LIN28B: variants seen among roughly 807,000 people sequenced by gnomAD.
The protein encoded by LIN28B is lin-28 RNA binding posttranscriptional regulator B, also known as protein lin-28 homolog B.
LIN28B carries 5 observed loss-of-function variants against 21.9 expected under a neutral mutation model. The ratio of observed to expected loss-of-function variants is 0.23; its 90% CI spans 0.12 to 0.48. LIN28B has a LOEUF of 0.48. LIN28B is among the 20% of genes least tolerant of loss of function. LIN28B has a pLI of 0.98. For missense variants in LIN28B, 245 were observed against 310.5 expected, an observed-to-expected ratio of 0.79 and a Z score of 1.58; for synonymous variants, 109 against 111.3, an observed-to-expected ratio of 0.98 and a Z score of 0.13.
intron 3 of LIN28B, 109 bp downstream of exon 3, chr6:105,026,591 A>G: frequency 4.5e-6 from 3 of 663,684 alleles, no homozygotes; most frequent in Non-Finnish European, 7.8e-6. Flanking sequence ...GGAAACCACC[A>G]TCATGTAGAA....
chr6:104,951,535 T>C (rs1322675314), intron 3 of LIN28B, among the ~76,000 whole-genome samples: 1 of 152,106 alleles, frequency 6.6e-6, no homozygotes, highest in Admixed American at 6.5e-5. Context: ...TAATTTTTTA[T>C]TTTTTTCCCC....
intron 3 of LIN28B, among the ~76,000 whole-genome samples, chr6:105,067,391 A>G (rs1398591957): frequency 6.6e-6 from 1 of 152,108 alleles, no homozygotes; most frequent in Non-Finnish European, 1.5e-5. Context: ...ATTTGTGTAT[A>G]TGTGTGTGTG....
chr6:105,010,888 C>A lies in LIN28B; in HGVS notation c.199-15410C>A, dbSNP rs142743078. Among the ~76,000 whole-genome samples, 858 of 152,260 alleles carry A rather than the reference C, an allele frequency of 5.6e-3. 6 individuals carry two copies. The highest frequency in any genetic ancestry group is 0.01 in the Middle Eastern group (3 of 294). On this transcript the variant is annotated intron_variant, in intron 2 of 3. Coordinates refer to ENST00000345080, the MANE Select transcript of LIN28B (RefSeq NM_001004317.4). Reference sequence around the variant, plus strand: ...AGTCCATATATCCACCCACAGACAACAATTATTTTCATTTTTTTCCTACTA... The same window carrying A: ...AGTCCATATATCCACCCACAGACAAAAATTATTTTCATTTTTTTCCTACTA...
chr6:105,026,773 T>G (rs1771295260), intron 3 of LIN28B, among the ~76,000 whole-genome samples: 1 of 152,262 alleles, frequency 6.6e-6, no homozygotes, highest in Middle Eastern at 3.4e-3. Context: ...AGGTGCCCCT[T>G]TTTACACCCA....
At chr6:105,056,516 C>T (rs940076287) in intron 3 of LIN28B, among the ~76,000 whole-genome samples, 1 of 152,054 alleles carries the variant, frequency 6.6e-6, no homozygotes, top group Non-Finnish European at 1.5e-5. Context: ...CTGTGTTTCT[C>T]GATTTGAAAT....
chr6:104,987,850 T>A (rs1488885216), intron 2 of LIN28B, among the ~76,000 whole-genome samples: 1 of 152,082 alleles, frequency 6.6e-6, no homozygotes, highest in Non-Finnish European at 1.5e-5. Context: ...GTTCAAGTGA[T>A]CTCCTGCCCC....
rs551256442 is a variant in LIN28B, at chr6:105,081,335, C to G, written c.*2552C>G. ...ATTTTTATTTCATGTGAAAACTCCT[C>G]TAAAGCAGATTCCCTCAACTCTGTG... On this transcript the variant is annotated 3_prime_UTR_variant, in exon 4 of 4. Transcript: ENST00000345080. The G allele has an allele frequency of 6.5e-6, 1 of 152,728 alleles. No homozygotes were observed. Among genetic ancestry groups the G allele is most frequent in the South Asian group, 2.1e-4 (1 of 4,820 alleles). The allele number at this position is 152,728 out of a possible 1,614,324, so 9.5% of individuals were successfully genotyped here.
chr6:105,033,371 A>G lies in LIN28B; in HGVS notation c.383+6889A>G, dbSNP rs1321406854. ...TAATGTTTGTATATAAGGTAGAATC[A>G]TATTTTGTGAAGAGTTACTCCCTGT... On this transcript the variant is annotated intron_variant, in intron 3 of 3. Transcript: ENST00000345080. Among the ~76,000 whole-genome samples, 4 of 152,130 alleles carry G rather than the reference A, an allele frequency of 2.6e-5. No individual in the cohort carries two copies. The East Asian group carries it at 7.7e-4, about 29-fold the overall frequency.
At chr6:104,960,564 A>G (rs577390228) in intron 2 of LIN28B, among the ~76,000 whole-genome samples, 6 of 152,208 alleles carry the variant, frequency 3.9e-5, no homozygotes, top group Non-Finnish European at 5.9e-5. Context: ...TTTAAAATAT[A>G]TGACATAGTT....
intron 2 of LIN28B, among the ~76,000 whole-genome samples, chr6:104,937,544 C>T (rs548682117): frequency 1.3e-5 from 2 of 152,140 alleles, no homozygotes; most frequent in African/African-American, 2.4e-5. Flanking sequence ...GGATTACAGG[C>T]GTGAACCACC....
At chr6:105,022,173 G>A (rs545733456) in intron 2 of LIN28B, among the ~76,000 whole-genome samples, 126 of 152,186 alleles carry the variant, frequency 8.3e-4, no homozygotes, top group South Asian at 8.1e-3. Flanking sequence ...AGGTATGGAA[G>A]ATGATGTAGA....
intron 2 of LIN28B, among the ~76,000 whole-genome samples, chr6:105,022,159 G>A (rs995948229): frequency 2.0e-5 from 3 of 151,884 alleles, no homozygotes; most frequent in African/African-American, 7.3e-5. Flanking sequence ...GAGAGAGAAT[G>A]TGCAGGTATG....
chr6:104,996,820 TA>T, intron 2 of LIN28B, among the ~76,000 whole-genome samples: 1 of 152,268 alleles, frequency 6.6e-6, no homozygotes, highest in Non-Finnish European at 1.5e-5. Context: ...TTATTTTTCT[TA>T]AAAATGTTTG....
At chr6:104,949,377 G>T (rs1291347210) in intron 2 of LIN28B, among the ~76,000 whole-genome samples, 2 of 152,160 alleles carry the variant, frequency 1.3e-5, no homozygotes, top group Non-Finnish European at 2.9e-5. Flanking sequence ...TTAATGTACA[G>T]AGGTTCACGT....
intron 3 of LIN28B, among the ~76,000 whole-genome samples, chr6:105,039,346 C>T (rs1771586238): frequency 6.6e-6 from 1 of 152,052 alleles, no homozygotes. Context: ...ACCTAAATGT[C>T]TGTAAATGAG....
chr6:104,959,075 CAG>C (rs973710701), intron 2 of LIN28B, among the ~76,000 whole-genome samples: 7 of 152,142 alleles, frequency 4.6e-5, no homozygotes, highest in Admixed American at 6.5e-5. Context: ...TAATACCAAA[CAG>C]AATTTCATTG....
intron 3 of LIN28B, among the ~76,000 whole-genome samples, chr6:105,049,735 T>A (rs796387121): frequency 6.6e-6 from 1 of 152,184 alleles, no homozygotes; most frequent in South Asian, 2.1e-4. Flanking sequence ...CTTGTTGAAT[T>A]GATCCCTTTA....
At chr6:104,987,123 G>A (rs1324654672) in intron 2 of LIN28B, among the ~76,000 whole-genome samples, 1 of 152,052 alleles carries the variant, frequency 6.6e-6, no homozygotes, top group Non-Finnish European at 1.5e-5. Flanking sequence ...TTTATTTAAA[G>A]CTTCATTAAT....
intron 2 of LIN28B, among the ~76,000 whole-genome samples, chr6:105,023,567 A>ATTTT (rs1562096652): frequency 9.3e-5 from 3 of 32,228 alleles, no homozygotes; most frequent in African/African-American, 5.0e-4. Context: ...ATATATATAT[A>ATTTT]ATATATATAA....
Sources: gnomAD v4.1 joint callset for allele counts (sites outside exome capture counted in the v4.1 genomes callset) on GRCh38, gnomAD v4.1.1 for gene constraint, MANE v1.5 for transcripts, NCBI Gene and HGNC (gene_info 2026-07-23, HGNC 2026-07-21) for gene names.